The following RIT2 variants were observed in gnomAD, a reference collection of about 807,000 sequenced individuals.
RIT2 encodes Ras like without CAAX 2, also known as GTP-binding protein Rit2.
Under a neutral mutation model 23.7 loss-of-function variants are expected in RIT2, and 24 were observed. That is an observed-to-expected ratio of 1.01 (90% CI 0.73 to 1.43). The LOEUF (loss-of-function observed/expected upper bound fraction) is 1.43, where lower values mean the gene tolerates loss of function less well. RIT2 is among the 40% of genes most tolerant of loss of function. The pLI, the probability that RIT2 is intolerant of heterozygous loss-of-function variation, is 0.00. For synonymous variants in RIT2, 107 were observed against 91.1 expected (o/e 1.17, Z -0.99); for missense variants, 236 against 266.9 (o/e 0.88, Z 0.81).
intron 4 of RIT2, among the ~76,000 whole-genome samples, chr18:42,813,305 A>T (rs1347154865): frequency 6.6e-6 from 1 of 152,166 alleles, no homozygotes; most frequent in East Asian, 1.9e-4. Context: ...GAAAATAATC[A>T]TTGAAAGAAT....
intron 4 of RIT2, among the ~76,000 whole-genome samples, chr18:42,745,605 A>G (rs559912296): frequency 6.6e-6 from 1 of 151,930 alleles, no homozygotes; most frequent in African/African-American, 2.4e-5. Context: ...AAACATGCCA[A>G]TTTTTTTTAG....
intron 3 of RIT2, among the ~76,000 whole-genome samples, chr18:42,957,779 T>C (rs1343119645): frequency 2.6e-5 from 4 of 152,112 alleles, no homozygotes; most frequent in African/African-American, 9.7e-5. Flanking sequence ...GTGAGACTTC[T>C]TCTCAAAAAA....
At chr18:42,912,231 GA>G (rs35260729) in intron 4 of RIT2, among the ~76,000 whole-genome samples, 12,436 of 145,164 alleles carry the variant, frequency 0.086, 1,200 homozygotes, top group African/African-American at 0.24. Flanking sequence ...ACCCATTCAT[GA>G]AAAAAAAAAA....
intron 4 of RIT2, among the ~76,000 whole-genome samples, chr18:42,781,164 G>C (rs558880269): frequency 7.6e-6 from 1 of 132,392 alleles, no homozygotes; most frequent in African/African-American, 2.8e-5. Context: ...AATGAAAACT[G>C]GTTCACTTTT....
chr18:43,065,218 GTTTTTTT>G (rs58941113), intron 1 of RIT2, among the ~76,000 whole-genome samples: 2 of 81,644 alleles, frequency 2.4e-5, no homozygotes, highest in African/African-American at 4.4e-5. Context: ...ACTTTTTTGG[GTTTTTTT>G]TTTTTTTTTT....
At chr18:43,071,701 A>C (rs764015564) in intron 1 of RIT2, among the ~76,000 whole-genome samples, 1 of 152,162 alleles carries the variant, frequency 6.6e-6, no homozygotes, top group African/African-American at 2.4e-5. Context: ...TTACATTACT[A>C]TATTACATTT....
chr18:42,978,273 T>C (rs915697853), intron 2 of RIT2, among the ~76,000 whole-genome samples: 1 of 150,882 alleles, frequency 6.6e-6, no homozygotes, highest in Non-Finnish European at 1.5e-5. Context: ...GAGAATTGGC[T>C]AGAAACTAAA....
chr18:42,900,412 T>C (rs552748528), intron 4 of RIT2, among the ~76,000 whole-genome samples: 2 of 152,210 alleles, frequency 1.3e-5, no homozygotes. Flanking sequence ...TTGTTAAAAT[T>C]AAGCGAATCC....
chr18:42,981,083 C>T (rs538718864), intron 2 of RIT2, among the ~76,000 whole-genome samples: 22 of 152,222 alleles, frequency 1.4e-4, no homozygotes, highest in African/African-American at 3.6e-4. Flanking sequence ...GACTAGGTCA[C>T]GGTCACTGAT....
chr18:42,798,750 T>C (rs1425588239), intron 4 of RIT2, among the ~76,000 whole-genome samples: 1 of 152,210 alleles, frequency 6.6e-6, no homozygotes, highest in African/African-American at 2.4e-5. Flanking sequence ...TGTTGAAAAT[T>C]GGGTTGCCAC....
chr18:42,965,711 C>CTTTT lies in RIT2; in HGVS notation c.234+8359_234+8362dup, dbSNP rs58344278. Among the ~76,000 whole-genome samples, 163 of 37,776 alleles carry CTTTT rather than the reference C, an allele frequency of 4.3e-3. 48 individuals are homozygous for CTTTT. The highest frequency in any genetic ancestry group is 5.8e-3 in the African/African-American group (62 of 10,612). 24.8% of individuals were successfully genotyped at this position (37,776 alleles called of 152,430 possible). Reference sequence around the variant, plus strand: ...GGTAAACAAAGATGTGTACTGATGGCTTTTTTTTTTTTTTTTTTTTTTTTT... The same window carrying CTTTT: ...GGTAAACAAAGATGTGTACTGATGGCTTTTTTTTTTTTTTTTTTTTTTTTTTTTT... On this transcript the variant is annotated intron_variant, in intron 3 of 4. Coordinates refer to ENST00000326695, the MANE Select transcript of RIT2 (RefSeq NM_002930.4).
chr18:42,952,783 A>G (rs1909883389), intron 3 of RIT2, among the ~76,000 whole-genome samples: 1 of 152,136 alleles, frequency 6.6e-6, no homozygotes, highest in African/African-American at 2.4e-5. Flanking sequence ...TGTATAAAGA[A>G]TAATTTAGGC....
intron 4 of RIT2, among the ~76,000 whole-genome samples, chr18:42,773,120 G>T (rs1332828624): frequency 6.6e-6 from 1 of 150,808 alleles, no homozygotes; most frequent in Admixed American, 6.7e-5. Context: ...TCTGTGCAAG[G>T]CAAAGACTAA....
chr18:43,009,256 A>C (rs1911296919), intron 2 of RIT2, among the ~76,000 whole-genome samples: 1 of 151,700 alleles, frequency 6.6e-6, no homozygotes, highest in Admixed American at 6.6e-5. Flanking sequence ...TTAAAATTTA[A>C]ATGTAATGTT....
intron 4 of RIT2, among the ~76,000 whole-genome samples, chr18:42,782,939 CA>C (rs1913844711): frequency 6.6e-6 from 1 of 151,984 alleles, no homozygotes; most frequent in Non-Finnish European, 1.5e-5. Flanking sequence ...CTTAAGAATG[CA>C]ATAACAGAGG....
chr18:42,840,681 A>G (rs1906741018), intron 4 of RIT2, among the ~76,000 whole-genome samples: 1 of 152,058 alleles, frequency 6.6e-6, no homozygotes, highest in Non-Finnish European at 1.5e-5. Flanking sequence ...TTGTATTTTT[A>G]ATAGAGACAG....
At chr18:42,990,919 T>G (rs1365716767) in intron 2 of RIT2, among the ~76,000 whole-genome samples, 1 of 150,500 alleles carries the variant, frequency 6.6e-6, no homozygotes, top group African/African-American at 2.4e-5. Flanking sequence ...TTTGTTTTTT[T>G]TTTTTTTTTT....
At chr18:42,971,186 A>C (rs1910353683) in intron 3 of RIT2, among the ~76,000 whole-genome samples, 1 of 152,044 alleles carries the variant, frequency 6.6e-6, no homozygotes, top group African/African-American at 2.4e-5. Flanking sequence ...TGATATTATT[A>C]AAAGAATTTC....
chr18:42,869,985 C>A (rs1297039280), intron 4 of RIT2, among the ~76,000 whole-genome samples: 2 of 152,182 alleles, frequency 1.3e-5, no homozygotes, highest in Non-Finnish European at 2.9e-5. Context: ...CCTCTTCTCT[C>A]TGGGATCTGT....
Sources: gnomAD v4.1 joint callset for allele counts (sites outside exome capture counted in the v4.1 genomes callset) on GRCh38, gnomAD v4.1.1 for gene constraint, MANE v1.5 for transcripts, NCBI Gene and HGNC (gene_info 2026-07-23, HGNC 2026-07-21) for gene names.